LRP1B: variants seen among roughly 807,000 people sequenced by gnomAD.
LRP1B encodes low-density lipoprotein receptor-related protein 1B.
In LRP1B, 217 loss-of-function variants were observed where a neutral mutation model predicts 556.6. The observed-to-expected ratio is 0.39, with a 90% confidence interval of 0.35 to 0.44. LRP1B has a LOEUF of 0.44. LRP1B is among the 20% of genes least tolerant of loss of function. The pLI is 1.00. For missense variants in LRP1B, 5,053 were observed against 5,620.8 expected, an observed-to-expected ratio of 0.90 and a Z score of 3.23; for synonymous variants, 2,047 against 1,865.8, an observed-to-expected ratio of 1.10 and a Z score of -2.50.
intron 25 of LRP1B, among the ~76,000 whole-genome samples, chr2:140,878,785 T>C (rs984249411): frequency 2.0e-5 from 3 of 151,890 alleles, no homozygotes; most frequent in African/African-American, 7.3e-5. Flanking sequence ...GGCAGATGGA[T>C]CATGCGAGGT....
At chr2:141,142,921 C>CTTTTTTTT (rs35543111) in intron 7 of LRP1B, among the ~76,000 whole-genome samples, 5 of 101,432 alleles carry the variant, frequency 4.9e-5, no homozygotes, top group African/African-American at 1.2e-4. Flanking sequence ...TGTCTGATTA[C>CTTTTTTTT]TTTTTTTTTT....
At chr2:141,920,681 GC>G (rs1164908847) in intron 1 of LRP1B, among the ~76,000 whole-genome samples, 8 of 151,908 alleles carry the variant, frequency 5.3e-5, no homozygotes, top group African/African-American at 9.7e-5. Flanking sequence ...ACTTTTTAAA[GC>G]TTTTGAAAGC....
chr2:141,321,123 C>T (rs945313396), intron 3 of LRP1B, among the ~76,000 whole-genome samples: 1 of 152,070 alleles, frequency 6.6e-6, no homozygotes, highest in Admixed American at 6.6e-5. Flanking sequence ...ATGTGGCAGG[C>T]TAGCATTAAG....
At chr2:140,742,885 C>A (rs1251986289) in intron 35 of LRP1B, among the ~76,000 whole-genome samples, 1 of 151,976 alleles carries the variant, frequency 6.6e-6, no homozygotes, top group African/African-American at 2.4e-5. Flanking sequence ...TAATACGTAA[C>A]AATTGGTAAG....
intron 24 of LRP1B, among the ~76,000 whole-genome samples, chr2:140,885,799 T>A (rs1454936636): frequency 3.5e-5 from 5 of 144,720 alleles, no homozygotes; most frequent in African/African-American, 2.5e-5. Context: ...GTAGCAAAAT[T>A]AAAAAAAAAA....
rs149980967 is a variant in LRP1B, at chr2:141,754,981, C to G, written c.205+55298G>C. On this transcript the variant is annotated intron_variant, in intron 2 of 90. Transcript: ENST00000389484. The stretch of plus-strand genomic sequence containing the variant: ...TATTTTGATATAAGATAACCCATAC[C>G]AAACTCTGCTATCCTCTTATATATA... Among the ~76,000 whole-genome samples the G allele has an allele frequency of 2.6e-4, 40 of 151,818 alleles. No homozygotes were observed. In the East Asian group the frequency reaches 7.3e-3, roughly 28 times the overall value.
chr2:141,287,438 T>C (rs1685763889), intron 3 of LRP1B, among the ~76,000 whole-genome samples: 1 of 151,906 alleles, frequency 6.6e-6, no homozygotes, highest in African/African-American at 2.4e-5. Flanking sequence ...TTCTCCTGCC[T>C]CAGACTCCCG....
At chr2:140,388,736 A>C (rs1683877156) in intron 66 of LRP1B, among the ~76,000 whole-genome samples, 1 of 152,218 alleles carries the variant, frequency 6.6e-6, no homozygotes, top group Non-Finnish European at 1.5e-5. Context: ...ACAAAGAGAC[A>C]CATTTTAGAG....
chr2:141,534,920 C>G (rs915473988), intron 2 of LRP1B, among the ~76,000 whole-genome samples: 1 of 152,130 alleles, frequency 6.6e-6, no homozygotes, highest in Non-Finnish European at 1.5e-5. Flanking sequence ...TCCTTTTTGT[C>G]TCCTGGTGGT....
At chr2:141,202,304 T>A (rs1682063550) in intron 6 of LRP1B, among the ~76,000 whole-genome samples, 1 of 150,120 alleles carries the variant, frequency 6.7e-6, no homozygotes, top group Non-Finnish European at 1.5e-5. Context: ...ATTTTCCGTA[T>A]CTAGTCTACA....
chr2:141,316,317 T>C (rs183902561), intron 3 of LRP1B, among the ~76,000 whole-genome samples: 1 of 152,326 alleles, frequency 6.6e-6, no homozygotes, highest in Admixed American at 6.5e-5. Flanking sequence ...TTTAACAACG[T>C]TATTGCAATG....
chr2:141,031,537 G>A (rs1698370995), intron 11 of LRP1B, among the ~76,000 whole-genome samples: 1 of 151,810 alleles, frequency 6.6e-6, no homozygotes, highest in Non-Finnish European at 1.5e-5. Context: ...AAATCAAAAT[G>A]CTATATAGGC....
chr2:140,337,402 TATTC>T (rs1450512647), intron 77 of LRP1B, among the ~76,000 whole-genome samples: 9 of 152,078 alleles, frequency 5.9e-5, no homozygotes, highest in African/African-American at 2.2e-4. Flanking sequence ...ATATAAATAA[TATTC>T]ATAGATGTTT....
intron 49 of LRP1B, 98 bp downstream of exon 49, chr2:140,525,746 T>A: frequency 9.4e-7 from 1 of 1,067,370 alleles, no homozygotes; most frequent in Non-Finnish European, 1.3e-6. Context: ...TGTCAATAAT[T>A]GATATTAAGA....
chr2:141,332,183 C>T (rs1687679801), intron 3 of LRP1B, among the ~76,000 whole-genome samples: 1 of 151,866 alleles, frequency 6.6e-6, no homozygotes, highest in African/African-American at 2.4e-5. Flanking sequence ...GCAACTATGT[C>T]TACCTATTTC....
At chr2:141,792,550 G>T (rs993302135) in intron 2 of LRP1B, among the ~76,000 whole-genome samples, 1 of 152,020 alleles carries the variant, frequency 6.6e-6, no homozygotes, top group African/African-American at 2.4e-5. Flanking sequence ...TACATGATGT[G>T]CTGGGGCAAT....
intron 8 of LRP1B, 120 bp downstream of exon 8, chr2:141,061,931 C>G (rs188706267): frequency 1.9e-4 from 142 of 743,006 alleles, no homozygotes; most frequent in Non-Finnish European, 2.7e-4. Flanking sequence ...AGGAAATATA[C>G]TGTAATTTTT....
In LRP1B at chr2:141,049,239, A is replaced by G. The variant is rs1698967402; in HGVS notation, c.1553-17T>C. 1.4e-6 allele frequency: 2 copies of G among 1,468,218 alleles called. No homozygotes were observed. Among genetic ancestry groups the G allele is most frequent in the African/African-American group, 1.4e-5 (1 of 71,950 alleles). 90.9% of individuals were successfully genotyped at this position (1,468,218 alleles called of 1,614,324 possible). ...TCTTTGGTCCTGCAGAGGAAAGATT[A>G]CAAACACAAACAACTGATGCTGCTT... is the stretch of plus-strand genomic sequence containing the variant. On this transcript the variant is annotated splice_polypyrimidine_tract_variant and intron_variant, in intron 10 of 90. Coordinates refer to ENST00000389484, the MANE Select transcript of LRP1B (RefSeq NM_018557.3).
chr2:141,760,428 A>ATGG (rs1694499804), intron 2 of LRP1B, among the ~76,000 whole-genome samples: 2 of 152,216 alleles, frequency 1.3e-5, no homozygotes, highest in South Asian at 4.1e-4. Flanking sequence ...GGTGATTACG[A>ATGG]GTGACCTTTA....
Sources: gnomAD v4.1 joint callset for allele counts (sites outside exome capture counted in the v4.1 genomes callset) on GRCh38, gnomAD v4.1.1 for gene constraint, MANE v1.5 for transcripts, NCBI Gene and HGNC (gene_info 2026-07-23, HGNC 2026-07-21) for gene names.